The following MTUS2 variants were observed in gnomAD, a reference collection of about 807,000 sequenced individuals.
MTUS2 encodes the protein microtubule associated scaffold protein 2, also known as microtubule-associated tumor suppressor candidate 2.
A neutral mutation model predicts 114.1 loss-of-function variants in MTUS2; 40 were observed. The ratio of observed to expected loss-of-function variants is 0.35; its 90% CI spans 0.27 to 0.46. MTUS2 has a LOEUF of 0.46. Among genes scored for constraint, MTUS2 ranks in the 20% least tolerant of loss-of-function variants. The pLI, the probability that MTUS2 is intolerant of heterozygous loss-of-function variation, is 1.00. For synonymous variants in MTUS2, 688 were observed against 672.0 expected, an observed-to-expected ratio of 1.02 and a Z score of -0.37; for missense variants, 1,679 against 1,705.4, an observed-to-expected ratio of 0.98 and a Z score of 0.27.
At chr13:29,123,235 T>C (rs961134175) in intron 5 of MTUS2, among the ~76,000 whole-genome samples, 9 of 152,176 alleles carry the variant, frequency 5.9e-5, no homozygotes, top group Admixed American at 2.6e-4. Flanking sequence ...TTTTAAATTA[T>C]TGTTTTCTGT....
rs528868279 is a variant in MTUS2 at position 29,300,044 on chromosome 13, G to C, written c.2806+18179G>C. On this transcript the variant is annotated intron_variant, in intron 6 of 15. Coordinates refer to ENST00000612955, the MANE Select transcript of MTUS2 (RefSeq NM_001033602.4). ...TGGCTCAGGGTGCTATTTAGCTATTGTCATTGAAATGTCACAGAAGAATCC... is the reference window on the plus strand; with the variant it reads ...TGGCTCAGGGTGCTATTTAGCTATTCTCATTGAAATGTCACAGAAGAATCC... 7.9e-5 allele frequency among the ~76,000 whole-genome samples: 12 copies of C among 152,222 alleles called. No homozygotes were observed. In the South Asian group the frequency reaches 2.5e-3, roughly 32 times the overall value.
At chr13:28,894,047 C>T (rs1382767880) in intron 2 of MTUS2, among the ~76,000 whole-genome samples, 4 of 151,824 alleles carry the variant, frequency 2.6e-5, no homozygotes, top group Non-Finnish European at 5.9e-5. Context: ...TCTTCAGGGT[C>T]TGCCAGGCTA....
chr13:29,172,564 C>T (rs2139124602), intron 5 of MTUS2, among the ~76,000 whole-genome samples: 1 of 152,276 alleles, frequency 6.6e-6, no homozygotes, highest in Non-Finnish European at 1.5e-5. Flanking sequence ...CAATTTAGGA[C>T]TCTTGACTCT....
chr13:29,344,289 T>G (rs1868443986), intron 7 of MTUS2, among the ~76,000 whole-genome samples: 1 of 152,162 alleles, frequency 6.6e-6, no homozygotes, highest in Non-Finnish European at 1.5e-5. Context: ...TTACCTCATT[T>G]TTTTAGGTCT....
chr13:28,888,213 A>G (rs1337066569), intron 2 of MTUS2, among the ~76,000 whole-genome samples: 1 of 152,186 alleles, frequency 6.6e-6, no homozygotes. Context: ...TGAACCATGT[A>G]TTGCTGGGGC....
At chr13:29,421,379 T>A (rs1342385030) in intron 8 of MTUS2, among the ~76,000 whole-genome samples, 2 of 152,200 alleles carry the variant, frequency 1.3e-5, no homozygotes, top group African/African-American at 2.4e-5. Flanking sequence ...CTTGACAATT[T>A]GTAAGAGATT....
chr13:28,987,271 G>GA (rs1884630235), intron 2 of MTUS2, among the ~76,000 whole-genome samples: 1 of 152,174 alleles, frequency 6.6e-6, no homozygotes, highest in African/African-American at 2.4e-5. Context: ...GAAGAGTGGA[G>GA]ACACACAGAG....
intron 8 of MTUS2, among the ~76,000 whole-genome samples, chr13:29,427,493 A>G (rs1566194152): frequency 6.6e-6 from 1 of 152,222 alleles, no homozygotes; most frequent in Non-Finnish European, 1.5e-5. Context: ...TGTTGGGTCA[A>G]GGTGTGCGTA....
chr13:29,469,234 C>T (rs545289399), intron 9 of MTUS2, among the ~76,000 whole-genome samples: 1 of 152,322 alleles, frequency 6.6e-6, no homozygotes, highest in Non-Finnish European at 1.5e-5. Context: ...CTCCTGTGAC[C>T]ACTCCCCTTC....
At chr13:29,023,980 T>TC (rs1886399735) in intron 2 of MTUS2, among the ~76,000 whole-genome samples, 1 of 152,198 alleles carries the variant, frequency 6.6e-6, no homozygotes, top group South Asian at 2.1e-4. Context: ...AGAAATGAAG[T>TC]AGCCTGGGGG....
At chr13:29,089,257 C>A (rs527391917) in intron 4 of MTUS2, among the ~76,000 whole-genome samples, 1 of 152,252 alleles carries the variant, frequency 6.6e-6, no homozygotes, top group East Asian at 1.9e-4. Flanking sequence ...AACTTCTTTT[C>A]TTTAAGGATG....
intron 4 of MTUS2, among the ~76,000 whole-genome samples, chr13:29,090,016 TG>T (rs1381799308): frequency 6.6e-6 from 1 of 152,254 alleles, no homozygotes; most frequent in East Asian, 1.9e-4. Flanking sequence ...CTGGCTTTTA[TG>T]GTTGCCAGAA....
chr13:29,504,313 G>GC lies in MTUS2; in HGVS notation c.*1113dup, dbSNP rs1883095191. The GC allele has an allele frequency of 4.3e-6, 1 of 231,804 alleles. No individual in the cohort carries two copies. The highest frequency in any genetic ancestry group is 2.2e-5 in the African/African-American group (1 of 45,116). 14.4% of individuals were successfully genotyped at this position (231,804 alleles called of 1,614,324 possible). On this transcript the variant is annotated 3_prime_UTR_variant, in exon 16 of 16. Coordinates refer to ENST00000612955, the MANE Select transcript of MTUS2 (RefSeq NM_001033602.4). ...ACCCTCAGGCCCCCATTTCCTAGCA[G>GC]CCCCCCTTCAGTTTGGTTCTACAAC...
intron 5 of MTUS2, among the ~76,000 whole-genome samples, chr13:29,151,768 T>C (rs536640473): frequency 1.3e-4 from 19 of 151,806 alleles, no homozygotes; most frequent in African/African-American, 4.6e-4. Context: ...TATCAGAAGT[T>C]TTAATGCATG....
intron 2 of MTUS2, among the ~76,000 whole-genome samples, chr13:28,995,342 C>T (rs1264908284): frequency 1.3e-5 from 2 of 152,170 alleles, no homozygotes; most frequent in Non-Finnish European, 2.9e-5. Flanking sequence ...GTGATGCCTC[C>T]AGCTTTGTTC....
At chr13:29,080,115 T>G (rs1210936524) in intron 4 of MTUS2, among the ~76,000 whole-genome samples, 1 of 152,236 alleles carries the variant, frequency 6.6e-6, no homozygotes, top group Non-Finnish European at 1.5e-5. Flanking sequence ...ATACTTCTTT[T>G]GTTAAATTTA....
At chr13:28,845,700 C>G (rs892350918) in intron 2 of MTUS2, among the ~76,000 whole-genome samples, 4 of 150,816 alleles carry the variant, frequency 2.7e-5, no homozygotes, top group African/African-American at 9.8e-5. Flanking sequence ...ATACATGTTG[C>G]TCAGAATAAG....
intron 4 of MTUS2, among the ~76,000 whole-genome samples, chr13:29,049,199 A>G (rs1887774980): frequency 6.6e-6 from 1 of 152,238 alleles, no homozygotes; most frequent in South Asian, 2.1e-4. Flanking sequence ...GTGAATTTAA[A>G]TGTTATTAAT....
At chr13:29,435,301 T>C (rs1877324153) in intron 8 of MTUS2, among the ~76,000 whole-genome samples, 1 of 152,204 alleles carries the variant, frequency 6.6e-6, no homozygotes, top group African/African-American at 2.4e-5. Flanking sequence ...CTGAGTTCTA[T>C]TTTTAGCCCT....
Sources: gnomAD v4.1 joint callset for allele counts (sites outside exome capture counted in the v4.1 genomes callset) on GRCh38, gnomAD v4.1.1 for gene constraint, MANE v1.5 for transcripts, NCBI Gene and HGNC (gene_info 2026-07-23, HGNC 2026-07-21) for gene names.